The following MSI2 variants were observed in gnomAD, a reference collection of about 807,000 sequenced individuals.
The protein encoded by MSI2 is musashi RNA binding protein 2.
Under a neutral mutation model 45.6 loss-of-function variants are expected in MSI2, and 17 were observed. The ratio of observed to expected loss-of-function variants is 0.37; its 90% CI spans 0.26 to 0.56. The LOEUF (loss-of-function observed/expected upper bound fraction) is 0.56, where lower values mean the gene tolerates loss of function less well. Among genes scored for constraint, MSI2 ranks in the 20% least tolerant of loss-of-function variants. The pLI, the probability that MSI2 is intolerant of heterozygous loss-of-function variation, is 0.77. For synonymous variants in MSI2, 156 were observed against 158.2 expected (o/e 0.99, Z 0.11); for missense variants, 293 against 444.2 (o/e 0.66, Z 3.06).
intron 5 of MSI2, among the ~76,000 whole-genome samples, chr17:57,301,073 G>A (rs1354743076): frequency 6.6e-6 from 1 of 152,114 alleles, no homozygotes; most frequent in Non-Finnish European, 1.5e-5. Flanking sequence ...TCTTAGACAC[G>A]GAGACCTTCC....
intron 5 of MSI2, among the ~76,000 whole-genome samples, chr17:57,306,894 G>A (rs938668818): frequency 6.6e-6 from 1 of 152,142 alleles, no homozygotes; most frequent in Non-Finnish European, 1.5e-5. Flanking sequence ...TGTGGTGTGA[G>A]GATACCCATA....
At chr17:57,332,340 A>C (rs1404885812) in intron 5 of MSI2, among the ~76,000 whole-genome samples, 2 of 152,160 alleles carry the variant, frequency 1.3e-5, no homozygotes, top group African/African-American at 2.4e-5. Context: ...ACCTCAAGTG[A>C]TCTGCCCGCC....
At chr17:57,497,094 C>T (rs1385105791) in intron 6 of MSI2, among the ~76,000 whole-genome samples, 1 of 152,120 alleles carries the variant, frequency 6.6e-6, no homozygotes, top group African/African-American at 2.4e-5. Context: ...TCTCCTGCCT[C>T]GCCTCCCAAG....
chr17:57,329,026 G>A (rs562433643), intron 5 of MSI2, among the ~76,000 whole-genome samples: 205 of 150,216 alleles, frequency 1.4e-3, no homozygotes, highest in African/African-American at 4.9e-3. Flanking sequence ...CCTGGGAGGC[G>A]GAGGTTGCAG....
chr17:57,292,678 C>T (rs973696569), intron 5 of MSI2, among the ~76,000 whole-genome samples: 4 of 152,202 alleles, frequency 2.6e-5, no homozygotes, highest in African/African-American at 9.7e-5. Context: ...AAACCTTGGT[C>T]TCACCTGGAG....
chr17:57,380,444 G>A (rs938853298), intron 5 of MSI2, among the ~76,000 whole-genome samples: 3 of 152,158 alleles, frequency 2.0e-5, no homozygotes, highest in African/African-American at 7.2e-5. Flanking sequence ...TTTCATTTTG[G>A]TTAGTAGCGG....
At chr17:57,545,165 GC>G (rs367966446) in intron 7 of MSI2, among the ~76,000 whole-genome samples, 2 of 151,784 alleles carry the variant, frequency 1.3e-5, no homozygotes, top group African/African-American at 4.8e-5. Flanking sequence ...AATTCTGGAG[GC>G]CCCCCCGTTT....
Position 57,680,070 on chromosome 17 carries a change from G to A in MSI2, c.*553G>A. 1 of 228,270 alleles carries A rather than the reference G, an allele frequency of 4.4e-6. No homozygotes were observed. The highest frequency in any genetic ancestry group is 8.7e-6 in the Non-Finnish European group (1 of 114,930). The allele number at this position is 228,270 out of a possible 1,614,324, so 14.1% of individuals were successfully genotyped here. A position where few individuals can be genotyped will look rare whatever the true frequency, so the allele number is the denominator to read the frequency against. On this transcript the variant is annotated 3_prime_UTR_variant, in exon 14 of 14. Coordinates refer to ENST00000284073, the MANE Select transcript of MSI2 (RefSeq NM_138962.4). ...GTATGAATTTTCAGGTGGAACTTTA[G>A]CACACACTGAAGCAAAGTTGTGAAG...
intron 7 of MSI2, among the ~76,000 whole-genome samples, chr17:57,574,892 A>C (rs566387482): frequency 7.1e-6 from 1 of 140,086 alleles, no homozygotes; most frequent in Non-Finnish European, 1.5e-5. Context: ...GTGCAGTGGC[A>C]CGATCTCAGC....
intron 11 of MSI2, among the ~76,000 whole-genome samples, chr17:57,653,670 C>T (rs1598495322): frequency 6.6e-6 from 1 of 152,102 alleles, no homozygotes; most frequent in East Asian, 1.9e-4. Context: ...TTGTTTTCTC[C>T]GTTCAGTTTC....
intron 6 of MSI2, among the ~76,000 whole-genome samples, chr17:57,457,778 G>A (rs2085143730): frequency 6.6e-6 from 1 of 152,004 alleles, no homozygotes; most frequent in Non-Finnish European, 1.5e-5. Flanking sequence ...GCATGGTACT[G>A]TATGCCGGTA....
intron 6 of MSI2, among the ~76,000 whole-genome samples, chr17:57,406,102 T>C (rs1167750878): frequency 6.6e-6 from 1 of 152,230 alleles, no homozygotes; most frequent in Non-Finnish European, 1.5e-5. Flanking sequence ...AAAACGTTGA[T>C]ATACAGTAAT....
intron 7 of MSI2, among the ~76,000 whole-genome samples, chr17:57,540,844 C>G (rs992226433): frequency 4.6e-5 from 7 of 152,210 alleles, no homozygotes; most frequent in East Asian, 1.9e-4. Context: ...AAGCTCCCCC[C>G]TCCCATTTGT....
intron 5 of MSI2, among the ~76,000 whole-genome samples, chr17:57,375,871 C>T (rs2083486947): frequency 6.6e-6 from 1 of 152,138 alleles, no homozygotes; most frequent in African/African-American, 2.4e-5. Context: ...GATGTCTGTT[C>T]CTGTAGCCAA....
In MSI2 at chr17:57,393,044, C is replaced by T. The variant is rs529097816; in HGVS notation, c.313-8335C>T. On this transcript the variant is annotated intron_variant, in intron 5 of 13. Coordinates refer to ENST00000284073, the MANE Select transcript of MSI2 (RefSeq NM_138962.4). ...AACCGCATACCCTTTAGCCATCACT[C>T]CCTCCCTCTCCCCTGGCTCTATGCA... Among the ~76,000 whole-genome samples the T allele has an allele frequency of 1.1e-4, 16 of 152,268 alleles. No homozygotes were observed. In the South Asian group the frequency reaches 2.5e-3, roughly 24 times the overall value.
chr17:57,512,531 C>T (rs996374448), intron 6 of MSI2, among the ~76,000 whole-genome samples: 1 of 152,166 alleles, frequency 6.6e-6, no homozygotes, highest in Non-Finnish European at 1.5e-5. Context: ...AGAGGTTGGC[C>T]TCAGTGAGTT....
At chr17:57,519,535 T>G (rs1246325489) in intron 6 of MSI2, among the ~76,000 whole-genome samples, 3 of 152,144 alleles carry the variant, frequency 2.0e-5, no homozygotes, top group Non-Finnish European at 4.4e-5. Flanking sequence ...CCCGGTGATC[T>G]CGAGCTTTTG....
chr17:57,517,460 C>G (rs1318541590), intron 6 of MSI2, among the ~76,000 whole-genome samples: 1 of 152,206 alleles, frequency 6.6e-6, no homozygotes, highest in Non-Finnish European at 1.5e-5. Flanking sequence ...CTGCTGAATT[C>G]AGGCCTGAGC....
At chr17:57,299,479 T>C (rs1911257816) in intron 5 of MSI2, among the ~76,000 whole-genome samples, 1 of 152,198 alleles carries the variant, frequency 6.6e-6, no homozygotes. Context: ...GTAGGGTTAT[T>C]AATTGGGCTA....
Sources: allele counts gnomAD v4.1 joint callset (sites outside exome capture counted in the v4.1 genomes callset), GRCh38; gene constraint gnomAD v4.1.1; transcripts MANE v1.5; gene names NCBI Gene and HGNC (gene_info 2026-07-23, HGNC 2026-07-21).